The following SDK2 variants were observed in gnomAD, a reference collection of about 807,000 sequenced individuals.
SDK2 encodes the protein sidekick cell adhesion molecule 2.
SDK2 carries 105 observed loss-of-function variants against 253.9 expected under a neutral mutation model. The observed-to-expected ratio is 0.41, with a 90% CI of 0.35 to 0.49. The LOEUF is 0.49. Among genes scored for constraint, SDK2 ranks in the 20% least tolerant of loss-of-function variants. The pLI, the probability that SDK2 is intolerant of heterozygous loss-of-function variation, is 0.06. For missense variants in SDK2, 2,608 were observed against 3,003.0 expected, an observed-to-expected ratio of 0.87 and a Z score of 3.07; for synonymous variants, 1,249 against 1,234.9, an observed-to-expected ratio of 1.01 and a Z score of -0.24.
intron 44 of SDK2, among the ~76,000 whole-genome samples, chr17:73,344,410 G>A (rs550255480): frequency 2.6e-5 from 4 of 152,272 alleles, no homozygotes; most frequent in South Asian, 4.1e-4. Context: ...TCTCCTCTCC[G>A]TGCTGGGCAG....
chr17:73,360,513 G>T (rs2062631389), intron 39 of SDK2, among the ~76,000 whole-genome samples: 1 of 152,016 alleles, frequency 6.6e-6, no homozygotes, highest in Non-Finnish European at 1.5e-5. Flanking sequence ...GCAGCAGAGT[G>T]GTCTGGGAGG....
In SDK2 at chr17:73,639,699, G is replaced by A. The variant is rs1173317251; in HGVS notation, c.64+4326C>T. ...CCAACTCAGCCTCCTGCCTCCCAGA[G>A]GGGCTGGGAGTCCGTAGGGACAGGG... On this transcript the variant is annotated intron_variant, in intron 1 of 44. Transcript: ENST00000392650. The surrounding 1 kb of genome is among the most constrained non-coding windows in gnomAD (Gnocchi z 4.3). 2.6e-5 allele frequency among the ~76,000 whole-genome samples: 4 copies of A among 152,148 alleles called. No individual in the cohort carries two copies. Among genetic ancestry groups the A allele is most frequent in the Non-Finnish European group, 4.4e-5 (3 of 68,022 alleles).
intron 1 of SDK2, among the ~76,000 whole-genome samples, chr17:73,601,838 G>T (rs1375374934): frequency 1.3e-5 from 2 of 152,088 alleles, no homozygotes; most frequent in Admixed American, 6.5e-5. Context: ...CCGCCTCCTG[G>T]GTTCAAGTGA....
rs143657622 is a variant in SDK2 at position 73,386,535 on chromosome 17, T to A, written c.4408A>T (p.Thr1470Ser). Reference protein sequence around the residue: ...SFIVDRLKPFTSYKFRVKATN... With the variant: ...SFIVDRLKPFSSYKFRVKATN... ...GCCTTCACTCGGAACTTGTAGGACG[T>A]GAAGGGCTTCAGCCTGTAGGGAGAA... Residue 1470 changes from threonine to serine, a missense_variant, in exon 31 of 45, where the codon ACG becomes TCG. Coordinates refer to ENST00000392650, the MANE Select transcript of SDK2 (RefSeq NM_001144952.2). 2.5e-4 allele frequency: 382 copies of A among 1,556,062 alleles called. 2 individuals carry two copies. In the East Asian group the frequency reaches 5.8e-3, roughly 23 times the overall value.
chr17:73,368,476 C>T lies in SDK2; in HGVS notation c.5098G>A (p.Val1700Met), dbSNP rs760245135. Residue 1700 changes from valine (V) to methionine (M), a missense_variant, in exon 37 of 45, where the codon GTG becomes ATG. This residue lies in a region of SDK2 where 1,103 missense variants were observed against 1,143.9 expected (regional missense o/e 0.96). Transcript: ENST00000392650. ...TCCCCAGCGGCGTTGAAGGCGGCCA[C>T]GCTGACCATGTAGGCCGTGTAGCCA... The part of the protein sequence containing the change: ...LTGYTAYMVS[V>M]AAFNAAGDGP... The T allele has an allele frequency of 2.2e-5, 36 of 1,609,462 alleles. No homozygotes were observed. The highest frequency in any genetic ancestry group is 2.9e-5 in the Non-Finnish European group (34 of 1,178,264).
chr17:73,483,987 G>A (rs1441777415), intron 2 of SDK2, among the ~76,000 whole-genome samples: 1 of 151,752 alleles, frequency 6.6e-6, no homozygotes, highest in African/African-American at 2.4e-5. Flanking sequence ...GAGGCAGTGT[G>A]GTTATTTTAT....
At chr17:73,591,898 A>G (rs1256981382) in intron 1 of SDK2, among the ~76,000 whole-genome samples, 1 of 152,164 alleles carries the variant, frequency 6.6e-6, no homozygotes, top group East Asian at 1.9e-4. Context: ...TAAAACGGTA[A>G]GAGTGGCCAG....
intron 1 of SDK2, among the ~76,000 whole-genome samples, chr17:73,524,058 C>T (rs543667022): frequency 1.3e-5 from 2 of 152,164 alleles, no homozygotes; most frequent in Non-Finnish European, 2.9e-5. Context: ...CTTACCTGCC[C>T]CTGCATCCCT....
At chr17:73,506,467 G>T (rs762518597) in intron 2 of SDK2, among the ~76,000 whole-genome samples, 1 of 152,162 alleles carries the variant, frequency 6.6e-6, no homozygotes, top group Non-Finnish European at 1.5e-5. Context: ...CTGGGGTGGG[G>T]AGTCACTCCA....
In SDK2 at chr17:73,642,893, A is replaced by T. The variant is rs1383800773; in HGVS notation, c.64+1132T>A. 1 of 152,160 alleles carries T rather than the reference A, an allele frequency of 6.6e-6. No individual in the cohort carries two copies. Among genetic ancestry groups the T allele is most frequent in the Non-Finnish European group, 1.5e-5 (1 of 68,078 alleles). 9.4% of individuals were successfully genotyped at this position (152,160 alleles called of 1,614,324 possible). ...CTTGGCTCTCTGGATTGCCTGGCGC[A>T]CGAGGCGGCGTGGGGAGTGGGTTGC... On this transcript the variant is annotated intron_variant, in intron 1 of 44. Coordinates refer to ENST00000392650, the MANE Select transcript of SDK2 (RefSeq NM_001144952.2). The surrounding 1 kb of genome is among the most constrained non-coding windows in gnomAD (Gnocchi z 4.7).
chr17:73,535,693 C>G (rs1231799792), intron 1 of SDK2, among the ~76,000 whole-genome samples: 2 of 152,198 alleles, frequency 1.3e-5, no homozygotes, highest in Non-Finnish European at 2.9e-5. Flanking sequence ...GGAAGAGAGG[C>G]ACACAGTGAG....
At chr17:73,627,014 C>G (rs554386314) in intron 1 of SDK2, among the ~76,000 whole-genome samples, 1 of 152,272 alleles carries the variant, frequency 6.6e-6, no homozygotes, top group South Asian at 2.1e-4. Flanking sequence ...CAAAAAGAAC[C>G]TTTGCAATAT....
chr17:73,334,437 C>T lies in SDK2; in HGVS notation c.*4150G>A, dbSNP rs1487073659. The T allele has an allele frequency of 6.6e-6, 1 of 152,034 alleles. No individual in the cohort carries two copies. Among genetic ancestry groups the T allele is most frequent in the Non-Finnish European group, 1.5e-5 (1 of 68,010 alleles). 9.4% of individuals were successfully genotyped at this position (152,034 alleles called of 1,614,324 possible). A position where few individuals can be genotyped will look rare whatever the true frequency, so the allele number is the denominator to read the frequency against. On this transcript the variant is annotated 3_prime_UTR_variant, in exon 45 of 45. Coordinates refer to ENST00000392650, the MANE Select transcript of SDK2 (RefSeq NM_001144952.2). ...ACTGACAGTTTGACAGGACACGGGA[C>T]TTCTTGTGGTATATATTTCAAATCA... is the stretch of plus-strand genomic sequence containing the variant.
At chr17:73,497,413 C>T (rs2063850826) in intron 2 of SDK2, among the ~76,000 whole-genome samples, 1 of 152,192 alleles carries the variant, frequency 6.6e-6, no homozygotes, top group Non-Finnish European at 1.5e-5. Context: ...TTCATTCTCT[C>T]ATCCTGCCAT....
chr17:73,464,117 C>G (rs1194647396), intron 3 of SDK2, among the ~76,000 whole-genome samples: 2 of 152,180 alleles, frequency 1.3e-5, no homozygotes, highest in Non-Finnish European at 2.9e-5. Flanking sequence ...TCACTTCATG[C>G]CTCTGCCCTC....
intron 2 of SDK2, among the ~76,000 whole-genome samples, chr17:73,500,592 G>C (rs1300657318): frequency 9.2e-6 from 1 of 108,126 alleles, no homozygotes; most frequent in Non-Finnish European, 1.9e-5. Context: ...TCCATCCTCT[G>C]TCCATCCTCC....
Position 73,338,752 on chromosome 17 carries a change from G to C in SDK2, c.6354C>G (p.Ser2118Arg). ...AGAGGCTGCCCTGCTGGGTGCTGGT[G>C]CTGTTGGTGACGGTGGTGTGGTCTG... ...GEPDHTTVTN[S>R]TSTQQGSLFR... The change falls in exon 45 of 45, where the codon AGC (serine) becomes AGG (arginine). Residue 2118 changes from serine to arginine, a missense_variant. Physicochemically the swap from Ser to Arg is moderately radical, Grantham distance 110. Transcript: ENST00000392650. The surrounding 1 kb of genome is among the most constrained non-coding windows in gnomAD (Gnocchi z 5.0). 2 of 1,613,846 alleles carry C rather than the reference G, an allele frequency of 1.2e-6. No individual in the cohort carries two copies. The highest frequency in any genetic ancestry group is 1.7e-6 in the Non-Finnish European group (2 of 1,179,836).
chr17:73,520,954 G>A (rs1428839898), intron 1 of SDK2: 1 of 152,106 alleles, frequency 6.6e-6, no homozygotes, highest in African/African-American at 2.4e-5. Flanking sequence ...CTTCTGGGGT[G>A]ATGAAAGTAT....
chr17:73,407,994 CTT>C (rs1226114682), intron 18 of SDK2, among the ~76,000 whole-genome samples: 3 of 148,714 alleles, frequency 2.0e-5, no homozygotes, highest in Non-Finnish European at 4.4e-5. Flanking sequence ...GACAGCCGGA[CTT>C]TGTGCTTTCT....
Sources: allele counts gnomAD v4.1 joint callset (sites outside exome capture counted in the v4.1 genomes callset), GRCh38; gene constraint gnomAD v4.1.1; regional missense constraint gnomAD v4.1.1; non-coding constraint Gnocchi (gnomAD v3.1); transcripts MANE v1.5; gene names NCBI Gene and HGNC (gene_info 2026-07-23, HGNC 2026-07-21).